KHDRBS2: variants seen among roughly 807,000 people sequenced by gnomAD.
KHDRBS2 encodes the protein KH RNA binding domain containing, signal transduction associated 2.
A neutral mutation model predicts 44.3 loss-of-function variants in KHDRBS2; 26 were observed. That is an observed-to-expected ratio of 0.59 (90% CI 0.43 to 0.81). The LOEUF (loss-of-function observed/expected upper bound fraction) is 0.81, where lower values mean the gene tolerates loss of function less well. Ranked by LOEUF, KHDRBS2 falls within the 40% of genes least tolerant of loss-of-function variation. The pLI, the probability that KHDRBS2 is intolerant of heterozygous loss-of-function variation, is 0.00. For missense variants in KHDRBS2, 476 were observed against 433.1 expected (o/e 1.10, Z -0.88); for synonymous variants, 194 against 151.1 (o/e 1.28, Z -2.08).
At chr6:61,825,403 C>G (rs1387796006) in intron 6 of KHDRBS2, among the ~76,000 whole-genome samples, 1 of 152,136 alleles carries the variant, frequency 6.6e-6, no homozygotes, top group Non-Finnish European at 1.5e-5. Flanking sequence ...TCTAATCATG[C>G]TTAATCCTCT....
At chr6:61,636,871 C>A in the KHDRBS2 span, among the ~76,000 whole-genome samples, 1 of 151,982 alleles carries the variant, frequency 6.6e-6, no homozygotes, top group African/African-American at 2.4e-5. Flanking sequence ...AATTTTATTT[C>A]TTCAAAAGGC....
intron 2 of KHDRBS2, among the ~76,000 whole-genome samples, chr6:62,070,593 G>A (rs1437840601): frequency 1.3e-5 from 2 of 151,866 alleles, no homozygotes; most frequent in Admixed American, 6.6e-5. Context: ...CGCGGTGTTC[G>A]GTTTTTTGTC....
At chr6:61,651,767 G>C in the KHDRBS2 span, among the ~76,000 whole-genome samples, 2 of 152,042 alleles carry the variant, frequency 1.3e-5, no homozygotes, top group East Asian at 1.9e-4. Flanking sequence ...TTAGTCATCA[G>C]AATTTTTTAT....
intron 6 of KHDRBS2, among the ~76,000 whole-genome samples, chr6:61,877,120 C>T (rs1249539845): frequency 6.6e-6 from 1 of 151,980 alleles, no homozygotes; most frequent in East Asian, 1.9e-4. Flanking sequence ...ATAGAGACTA[C>T]ATTGCCCACA....
chr6:62,081,672 G>A (rs1797422664), intron 2 of KHDRBS2, among the ~76,000 whole-genome samples: 2 of 152,126 alleles, frequency 1.3e-5, no homozygotes, highest in South Asian at 2.1e-4. Flanking sequence ...ATTCAAACCA[G>A]AACATATCTT....
intron 6 of KHDRBS2, among the ~76,000 whole-genome samples, chr6:61,751,035 A>G (rs1298755668): frequency 6.6e-6 from 1 of 152,166 alleles, no homozygotes; most frequent in Non-Finnish European, 1.5e-5. Context: ...TTTGATTGAT[A>G]TATTTTAAGA....
intron 2 of KHDRBS2, among the ~76,000 whole-genome samples, chr6:62,127,986 T>C (rs917975181): frequency 6.6e-6 from 1 of 152,118 alleles, no homozygotes; most frequent in African/African-American, 2.4e-5. Flanking sequence ...AAAACAAGAG[T>C]ACCTGTCTTA....
the KHDRBS2 span, among the ~76,000 whole-genome samples, chr6:61,563,341 C>T: frequency 1.3e-5 from 2 of 152,032 alleles, no homozygotes; most frequent in Non-Finnish European, 2.9e-5. Context: ...TTTGGAAAGA[C>T]CATCTATGAA....
chr6:62,093,466 C>T lies in KHDRBS2; in HGVS notation c.220-45472G>A, dbSNP rs112598615. On this transcript the variant is annotated intron_variant, in intron 2 of 8. Coordinates refer to ENST00000281156, the MANE Select transcript of KHDRBS2 (RefSeq NM_152688.4). ...TAATTAGCATGTCCATCACCTTAAA[C>T]ATTTATCATTTCTTTGTAATGAGAA... Among the ~76,000 whole-genome samples, 1,228 of 151,928 alleles carry T rather than the reference C, an allele frequency of 8.1e-3. 16 individuals are homozygous for T. Among genetic ancestry groups the T allele is most frequent in the African/African-American group, 0.029 (1,190 of 41,478 alleles).
the KHDRBS2 span, among the ~76,000 whole-genome samples, chr6:61,567,667 G>T: frequency 1.1e-4 from 16 of 151,114 alleles, no homozygotes; most frequent in African/African-American, 3.2e-4. Flanking sequence ...ACAAAAAAAA[G>T]GATTTTTTTC....
chr6:61,909,097 C>G (rs1805582826), intron 4 of KHDRBS2, among the ~76,000 whole-genome samples: 2 of 150,148 alleles, frequency 1.3e-5, no homozygotes, highest in South Asian at 4.2e-4. Flanking sequence ...GATGGGGTCT[C>G]TCTCTGTTGC....
the KHDRBS2 span, among the ~76,000 whole-genome samples, chr6:61,633,128 T>C: frequency 0.34 from 52,049 of 151,884 alleles, 9,677 homozygotes; most frequent in East Asian, 0.49. Context: ...ATTTAGTGTT[T>C]CTTATTTTTC....
At chr6:61,814,297 A>G (rs927190596) in intron 6 of KHDRBS2, among the ~76,000 whole-genome samples, 3 of 152,194 alleles carry the variant, frequency 2.0e-5, no homozygotes, top group African/African-American at 7.2e-5. Context: ...ACCCCAATCT[A>G]AGAACTAATT....
At chr6:62,176,551 C>CA (rs1329915518) in intron 2 of KHDRBS2, among the ~76,000 whole-genome samples, 4 of 150,376 alleles carry the variant, frequency 2.7e-5, no homozygotes, top group Non-Finnish European at 6.0e-5. Flanking sequence ...TTCATTTGAC[C>CA]AAAAAAAATC....
At chr6:62,214,111 T>C (rs1829587354) in intron 1 of KHDRBS2, among the ~76,000 whole-genome samples, 1 of 152,164 alleles carries the variant, frequency 6.6e-6, no homozygotes. Flanking sequence ...TGTTCAAATC[T>C]TTCTGATGCT....
chr6:61,825,300 T>C (rs138371209), intron 6 of KHDRBS2, among the ~76,000 whole-genome samples: 190 of 152,318 alleles, frequency 1.2e-3, no homozygotes, highest in African/African-American at 4.4e-3. Context: ...CAATTTAAAA[T>C]AGTGTTTCCA....
intron 6 of KHDRBS2, among the ~76,000 whole-genome samples, chr6:61,777,302 A>T (rs891310787): frequency 3.3e-5 from 5 of 151,516 alleles, no homozygotes; most frequent in East Asian, 3.9e-4. Flanking sequence ...AATAAAATAT[A>T]AAAAAAATTC....
chr6:61,599,288 T>C, the KHDRBS2 span, among the ~76,000 whole-genome samples: 7 of 152,100 alleles, frequency 4.6e-5, no homozygotes, highest in Admixed American at 3.3e-4. Flanking sequence ...ATAAAACAGC[T>C]GTTTAAGATG....
At chr6:61,729,268 G>A (rs1485198836) in intron 7 of KHDRBS2, among the ~76,000 whole-genome samples, 1 of 152,102 alleles carries the variant, frequency 6.6e-6, no homozygotes, top group East Asian at 1.9e-4. Context: ...ATAAGTGGGA[G>A]CTAAATGATG....
Sources: allele counts gnomAD v4.1 joint callset (sites outside exome capture counted in the v4.1 genomes callset), GRCh38; gene constraint gnomAD v4.1.1; transcripts MANE v1.5; gene names NCBI Gene and HGNC (gene_info 2026-07-23, HGNC 2026-07-21).